UPF1: variants seen among roughly 807,000 people sequenced by gnomAD.
UPF1 encodes the protein regulator of nonsense transcripts 1.
In UPF1, 9 loss-of-function variants were observed where a neutral mutation model predicts 129.2. That is an observed-to-expected ratio of 0.07 (90% CI 0.04 to 0.12). The LOEUF (loss-of-function observed/expected upper bound fraction) is 0.12. Ranked by LOEUF, UPF1 falls within the 10% of genes least tolerant of loss-of-function variation. The pLI is 1.00. For synonymous variants in UPF1, 649 were observed against 644.9 expected (o/e 1.01, Z -0.10); for missense variants, 788 against 1,525.3 (o/e 0.52, Z 8.05).
chr19:18,861,909 C>T (rs1019834762), intron 17 of UPF1, 101 bp from the exon 18 acceptor site: 4 of 1,486,972 alleles, frequency 2.7e-6, no homozygotes, highest in Non-Finnish European at 3.6e-6. Context: ...CCCCAAGCTC[C>T]CGGGTGGGAT....
rs1488636930 is a variant in UPF1, at chr19:18,867,255, C to T, written c.*738C>T. Reference sequence around the variant, plus strand: ...GGAGGAGTTTTGTTGTTGGTTTTAGCTTCCAGTGGCTTCTTTCTGCGGGGC... The same window carrying T: ...GGAGGAGTTTTGTTGTTGGTTTTAGTTTCCAGTGGCTTCTTTCTGCGGGGC... On this transcript the variant is annotated 3_prime_UTR_variant, in exon 24 of 24. Coordinates refer to ENST00000262803, the MANE Select transcript of UPF1 (RefSeq NM_002911.4). 6.6e-6 allele frequency: 1 copy of T among 152,246 alleles called. No homozygotes were observed. The highest frequency in any genetic ancestry group is 6.5e-5 in the Admixed American group (1 of 15,282). 9.4% of individuals were successfully genotyped at this position (152,246 alleles called of 1,614,324 possible). A position where few individuals can be genotyped will look rare whatever the true frequency, so the allele number is the denominator to read the frequency against.
intron 1 of UPF1, chr19:18,833,079 C>G (rs1336111104): frequency 6.6e-6 from 1 of 152,316 alleles, no homozygotes; most frequent in African/African-American, 2.4e-5. Context: ...GCCCGGTCTC[C>G]CCATTGGTGG....
chr19:18,866,814 C>A lies in UPF1; in HGVS notation c.*297C>A, dbSNP rs1270349307. 6.6e-6 allele frequency: 1 copy of A among 152,596 alleles called. No homozygotes were observed. Among genetic ancestry groups the A allele is most frequent in the Non-Finnish European group, 1.5e-5 (1 of 68,050 alleles). 9.5% of individuals were successfully genotyped at this position (152,596 alleles called of 1,614,324 possible). A position where few individuals can be genotyped will look rare whatever the true frequency, so the allele number is the denominator to read the frequency against. On this transcript the variant is annotated 3_prime_UTR_variant, in exon 24 of 24. Transcript: ENST00000262803. ...TGCGGCCAGGGCGGAGGGAGGAAGA[C>A]CCTCATCTCAGAGTAGCCCTTTCCT...
rs778747976 is a variant in UPF1 at position 18,854,924 on chromosome 19, G to T, written c.1311G>T (p.Val437=). The T allele has an allele frequency of 6.2e-7, 1 of 1,614,144 alleles. No individual in the cohort carries two copies. The highest frequency in any genetic ancestry group is 1.3e-5 in the African/African-American group (1 of 74,956). The part of the protein sequence containing the change: ...LKTFAVDETS[V]SGYIYHKLLG... ...CGTTTGCCGTGGATGAGACCTCGGT[G>T]TCTGGCTACATCTACCACAAGCTGT... Residue 437 remains valine (V), a synonymous_variant, in exon 10 of 24, where the codon GTG becomes GTT. Transcript: ENST00000262803.
rs745477848 is a variant in UPF1 at position 18,854,664 on chromosome 19, A to T, written c.1220A>T (p.His407Leu). Residue 407 changes from histidine to leucine, a missense_variant, in exon 9 of 24, where the codon CAC becomes CTC. Coordinates refer to ENST00000262803, the MANE Select transcript of UPF1 (RefSeq NM_002911.4). ...SSVGAPVEVTHNFQVDFVWKS... is the reference protein window; with the variant it reads ...SSVGAPVEVTLNFQVDFVWKS... ...GTGGGTGCACCTGTGGAGGTGACTCACAACTTCCAGGTGGATTTTGTGTGG... is the reference window on the plus strand; with the variant it reads ...GTGGGTGCACCTGTGGAGGTGACTCTCAACTTCCAGGTGGATTTTGTGTGG... The T allele has an allele frequency of 1.9e-6, 3 of 1,614,070 alleles. No individual in the cohort carries two copies. Among genetic ancestry groups the T allele is most frequent in the Non-Finnish European group, 2.5e-6 (3 of 1,179,972 alleles).
In UPF1 at chr19:18,864,226, C is replaced by G. The variant is rs766441583; in HGVS notation, c.2832C>G (p.Gly944=). 10 of 1,613,630 alleles carry G rather than the reference C, an allele frequency of 6.2e-6. No homozygotes were observed. Among genetic ancestry groups the G allele is most frequent in the African/African-American group, 4.0e-5 (3 of 74,946 alleles). The change falls in exon 20 of 24, where the codon GGC becomes GGG. Residue 944 remains glycine, a synonymous_variant. Coordinates refer to ENST00000262803, the MANE Select transcript of UPF1 (RefSeq NM_002911.4). ...MYDAREAIIP[G]SVYDRSSQGR... ...ATGCCCGGGAGGCCATCATCCCAGG[C>G]TCCGTCTATGATCGGAGCAGCCAGG...
At position 18,851,076 on chromosome 19, in the gene UPF1, T is replaced by A; in HGVS notation, c.810+208T>A. 1 of 510,176 alleles carries A rather than the reference T, an allele frequency of 2.0e-6. No individual in the cohort carries two copies. Among genetic ancestry groups the A allele is most frequent in the Non-Finnish European group, 3.2e-6 (1 of 307,842 alleles). The allele number at this position is 510,176 out of a possible 1,614,324, so 31.6% of individuals were successfully genotyped here. ...CAGCCTTACCTGACCGAGAAGATCC[T>A]GGCCTTGGGGAAAGGAAAGCTCTGG... is the stretch of plus-strand genomic sequence containing the variant. On this transcript the variant is annotated intron_variant, in intron 5 of 23. Transcript: ENST00000262803. The surrounding 1 kb of genome is among the most constrained non-coding windows in gnomAD (Gnocchi z 4.2).
intron 5 of UPF1, 74 bp from the exon 6 acceptor site, chr19:18,852,061 G>T (rs2145952917): frequency 6.8e-7 from 1 of 1,478,630 alleles, no homozygotes; most frequent in East Asian, 2.6e-5. Flanking sequence ...CATCCCTCTG[G>T]TGCCTCTGCG....
At chr19:18,857,973 G>T (rs909376560) in intron 15 of UPF1, among the ~76,000 whole-genome samples, 3 of 152,152 alleles carry the variant, frequency 2.0e-5, no homozygotes, top group Admixed American at 6.5e-5. Context: ...CTCTGCTGAC[G>T]CTCACACTGC....
intron 6 of UPF1, 100 bp from the exon 7 acceptor site, chr19:18,852,887 G>C: frequency 1.0e-6 from 1 of 965,820 alleles, no homozygotes; most frequent in Non-Finnish European, 1.6e-6. Flanking sequence ...CACGGCAGAG[G>C]CTTGCTGTAG....
In UPF1 at chr19:18,846,081, C is replaced by T. The variant is rs751989478; in HGVS notation, c.333C>T (p.Asp111=). The stretch of plus-strand genomic sequence containing the variant: ...TGAACTTCGAGGAAGATGAAGAAGA[C>T]ACCTATTACACGAAGGACCTCCCCA... ...AELNFEEDEE[D]TYYTKDLPIH... is the part of the protein sequence containing the mutation. Residue 111 remains aspartate, a synonymous_variant, in exon 2 of 24, where the codon GAC becomes GAT. Coordinates refer to ENST00000262803, the MANE Select transcript of UPF1 (RefSeq NM_002911.4). 1 of 1,614,162 alleles carries T rather than the reference C, an allele frequency of 6.2e-7. No homozygotes were observed. The highest frequency in any genetic ancestry group is 8.5e-7 in the Non-Finnish European group (1 of 1,180,032).
chr19:18,860,653 G>A (rs899903399), intron 16 of UPF1, among the ~76,000 whole-genome samples, 173 bp from the exon 17 acceptor site: 7 of 152,188 alleles, frequency 4.6e-5, no homozygotes, highest in Non-Finnish European at 8.8e-5. Flanking sequence ...CATGGCAGCC[G>A]TTTCTGCCCC....
rs774397421 is a variant in UPF1 at position 18,866,961 on chromosome 19, C to A, written c.*444C>A. On this transcript the variant is annotated 3_prime_UTR_variant, in exon 24 of 24. Transcript: ENST00000262803. ...AAGACAGCAGCGTGCGGGGCAGAGCCCCGGGAGGGCGCGTCTGTCCACGCC... is the reference window on the plus strand; with the variant it reads ...AAGACAGCAGCGTGCGGGGCAGAGCACCGGGAGGGCGCGTCTGTCCACGCC... 9 of 152,612 alleles carry A rather than the reference C, an allele frequency of 5.9e-5. No individual in the cohort carries two copies. Among genetic ancestry groups the A allele is most frequent in the Non-Finnish European group, 8.8e-5 (6 of 68,062 alleles). The allele number at this position is 152,612 out of a possible 1,614,324, so 9.5% of individuals were successfully genotyped here.
intron 1 of UPF1, among the ~76,000 whole-genome samples, chr19:18,844,556 C>T (rs2055578384): frequency 6.6e-6 from 1 of 151,498 alleles, no homozygotes; most frequent in South Asian, 2.1e-4. Flanking sequence ...TGGTCTCGAA[C>T]TCCTGACCTC....
rs910762197 is a variant in UPF1, at chr19:18,853,369, G to T, written c.1156+19G>T. 5.7e-6 allele frequency: 9 copies of T among 1,576,594 alleles called. No individual in the cohort carries two copies. Among genetic ancestry groups the T allele is most frequent in the Non-Finnish European group, 6.9e-6 (8 of 1,162,154 alleles). On this transcript the variant is annotated intron_variant, in intron 8 of 23. Coordinates refer to ENST00000262803, the MANE Select transcript of UPF1 (RefSeq NM_002911.4). The surrounding 1 kb of genome is among the most constrained non-coding windows in gnomAD (Gnocchi z 4.4). ...CCTGATAGTATCCTTCATGTGAAGA[G>T]GGTGTGGCCGGCTGGTGGGAGAGGA... is the stretch of plus-strand genomic sequence containing the variant.
rs564421257 is a variant in UPF1 at position 18,835,542 on chromosome 19, C to T, written c.231+3102C>T. 3.3e-5 allele frequency among the ~76,000 whole-genome samples: 5 copies of T among 152,176 alleles called. 1 individual carries two copies. Among genetic ancestry groups the T allele is most frequent in the African/African-American group, 1.2e-4 (5 of 41,528 alleles). Reference sequence around the variant, plus strand: ...ATTTTTAGTAGAGACGGGGTTTCACCATGTTGGCCAGATGGTCTTGATTTC... The same window carrying T: ...ATTTTTAGTAGAGACGGGGTTTCACTATGTTGGCCAGATGGTCTTGATTTC... On this transcript the variant is annotated intron_variant, in intron 1 of 23. Coordinates refer to ENST00000262803, the MANE Select transcript of UPF1 (RefSeq NM_002911.4).
intron 1 of UPF1, among the ~76,000 whole-genome samples, chr19:18,844,302 G>GT (rs1299827609): frequency 6.7e-6 from 1 of 150,164 alleles, no homozygotes; most frequent in East Asian, 2.0e-4. Flanking sequence ...TGGGGGCCGG[G>GT]GGGGGGTTTG....
chr19:18,855,680 C>A (rs1601118416), intron 11 of UPF1: 1 of 508,464 alleles, frequency 2.0e-6, no homozygotes, highest in South Asian at 2.6e-5. Flanking sequence ...GACGTCTCTA[C>A]AAAAAAAAAA....
At position 18,851,133 on chromosome 19, in the gene UPF1, A is replaced by T. The variant is rs185233959; in HGVS notation, c.810+265A>T. On this transcript the variant is annotated intron_variant, in intron 5 of 23. Coordinates refer to ENST00000262803, the MANE Select transcript of UPF1 (RefSeq NM_002911.4). The surrounding 1 kb of genome is among the most constrained non-coding windows in gnomAD (Gnocchi z 4.2). ...GAATTTTTCTTGTCTTGCCGGGGTG[A>T]GGATGGGTGGTGGGAGGGGAAGAAT... The T allele has an allele frequency of 1.9e-4, 68 of 358,254 alleles. No homozygotes were observed. The highest frequency in any genetic ancestry group is 1.6e-3 in the Middle Eastern group (2 of 1,240). 22.2% of individuals were successfully genotyped at this position (358,254 alleles called of 1,614,324 possible).
Sources: gnomAD v4.1 joint callset for allele counts (sites outside exome capture counted in the v4.1 genomes callset) on GRCh38, gnomAD v4.1.1 for gene constraint, Gnocchi (gnomAD v3.1) non-coding constraint, MANE v1.5 for transcripts, NCBI Gene and HGNC (gene_info 2026-07-23, HGNC 2026-07-21) for gene names.